Variants in ADGB observed in about 807,000 individuals in gnomAD.
ADGB encodes calpain-7-like protein.
ADGB carries 172 observed loss-of-function variants against 210.5 expected under a neutral mutation model. The ratio of observed to expected loss-of-function variants is 0.82; its 90% confidence interval spans 0.72 to 0.93. The LOEUF (loss-of-function observed/expected upper bound fraction) is 0.93, where lower values mean the gene tolerates loss of function less well. Among genes scored for constraint, ADGB ranks in the 40% least tolerant of loss-of-function variants. The pLI is 0.00. For missense variants in ADGB, 2,025 were observed against 1,964.8 expected (o/e 1.03, Z -0.58); for synonymous variants, 658 against 662.7 (o/e 0.99, Z 0.11).
chr6:146,752,657 C>T lies in ADGB; in HGVS notation c.3493C>T (p.Gln1165Ter). The T allele has an allele frequency of 6.4e-7, 1 of 1,550,890 alleles. No individual in the cohort carries two copies. The highest frequency in any genetic ancestry group is 1.2e-5 in the South Asian group (1 of 84,000). The change falls in exon 27 of 36, where the codon CAA becomes TAA. Residue 1165 changes from glutamine (Q) to a stop codon, truncating the protein, a stop_gained. Transcript: ENST00000397944. LOFTEE classifies it high-confidence loss of function. ...ETMVSSTGKG[Q>*]AIIPAFHFLK... ...TATGGTGAGCTCCACTGGAAAAGGCCAAGCTATAATCCCAGCATTTCACTT... is the reference window on the plus strand; with the variant it reads ...TATGGTGAGCTCCACTGGAAAAGGCTAAGCTATAATCCCAGCATTTCACTT...
intron 1 of ADGB, among the ~76,000 whole-genome samples, chr6:146,602,706 G>A (rs1030226536): frequency 5.3e-5 from 8 of 152,334 alleles, no homozygotes; most frequent in Non-Finnish European, 1.0e-4. Flanking sequence ...TCCATGGCCT[G>A]TAAGGACCTG....
intron 5 of ADGB, among the ~76,000 whole-genome samples, 190 bp from the exon 6 acceptor site, chr6:146,664,011 G>A (rs1199506052): frequency 1.3e-5 from 2 of 152,158 alleles, no homozygotes; most frequent in East Asian, 3.9e-4. Flanking sequence ...CTGTGATTAT[G>A]CTAAATAAAG....
intron 8 of ADGB, among the ~76,000 whole-genome samples, chr6:146,674,266 A>G (rs530979881): frequency 7.9e-5 from 12 of 152,278 alleles, no homozygotes; most frequent in African/African-American, 2.9e-4. Context: ...CTTGTCCTTG[A>G]AGAACAGGAA....
At chr6:146,720,129 A>G (rs1562282762) in intron 16 of ADGB, among the ~76,000 whole-genome samples, 3 of 152,256 alleles carry the variant, frequency 2.0e-5, no homozygotes, top group East Asian at 3.9e-4. Flanking sequence ...AAGTTAATTG[A>G]ACACATTTAC....
Position 146,715,385 on chromosome 6 carries a change from A to G in ADGB, c.1711A>G (p.Asn571Asp). Residue 571 changes from asparagine to aspartate, a missense_variant, in exon 14 of 36, where the codon AAT becomes GAT. Asn to Asp is a conservative substitution (Grantham distance 23). Coordinates refer to ENST00000397944, the MANE Select transcript of ADGB (RefSeq NM_024694.4). The part of the protein sequence containing the change: ...SQITKATSQG[N>D]TASQVILGKG... ...GTGTGTTTCTTTTAATTCATAGGGAAATACTGCTTCACAAGTTATACTTGG... is the reference window on the plus strand; with the variant it reads ...GTGTGTTTCTTTTAATTCATAGGGAGATACTGCTTCACAAGTTATACTTGG... The G allele has an allele frequency of 6.7e-7, 1 of 1,500,512 alleles. No individual in the cohort carries two copies. Among genetic ancestry groups the G allele is most frequent in the Non-Finnish European group, 8.9e-7 (1 of 1,124,288 alleles). The allele number at this position is 1,500,512 out of a possible 1,614,324, so 92.9% of individuals were successfully genotyped here.
chr6:146,635,970 C>T (rs554768543), intron 2 of ADGB, among the ~76,000 whole-genome samples: 5 of 152,078 alleles, frequency 3.3e-5, no homozygotes, highest in African/African-American at 1.2e-4. Context: ...AAACTGGATT[C>T]CTCCTACTAT....
Position 146,676,593 on chromosome 6 carries a change from C to T in ADGB, c.1216+152C>T, listed in dbSNP as rs145531004. On this transcript the variant is annotated intron_variant, in intron 9 of 35. Coordinates refer to ENST00000397944, the MANE Select transcript of ADGB (RefSeq NM_024694.4). ...AATGTTGGGTTCTCAGATGGGTGGG[C>T]GTGTTGGGCCAAGTCCTACCAATGA... Among the ~76,000 whole-genome samples the T allele has an allele frequency of 1.8e-3, 275 of 152,184 alleles. 4 individuals carry two copies. The East Asian group carries it at 0.027, about 15-fold the overall frequency.
intron 13 of ADGB, among the ~76,000 whole-genome samples, chr6:146,701,814 CTAGCTATA>C (rs1477874571): frequency 6.6e-6 from 1 of 151,828 alleles, no homozygotes; most frequent in African/African-American, 2.4e-5. Flanking sequence ...CTATAGTTAC[CTAGCTATA>C]TAGGTCACAG....
chr6:146,761,389 T>C (rs11155486), intron 27 of ADGB, among the ~76,000 whole-genome samples: 80,194 of 151,754 alleles, frequency 0.53, 22,078 homozygotes, highest in African/African-American at 0.66. Flanking sequence ...TAGTCAAAAG[T>C]CACTTAACCA....
At chr6:146,800,876 G>A (rs563524228) in intron 33 of ADGB, among the ~76,000 whole-genome samples, 1 of 152,224 alleles carries the variant, frequency 6.6e-6, no homozygotes, top group South Asian at 2.1e-4. Context: ...CTTAACATAA[G>A]ACTTGTTCTT....
In ADGB at chr6:146,733,957, A is replaced by G; in HGVS notation, c.2721A>G (p.Val907=). ...TSDKEYSAEE[V]AAAIKIQAMW... ...ATAAAGAGTATTCTGCTGAGGAAGT[A>G]GCAGCAGCAATTAAAATTCAAGCCA... Residue 907 remains valine, a synonymous_variant, in exon 22 of 36, where the codon GTA becomes GTG. Transcript: ENST00000397944. 3 of 1,551,490 alleles carry G rather than the reference A, an allele frequency of 1.9e-6. No homozygotes were observed. Among genetic ancestry groups the G allele is most frequent in the Non-Finnish European group, 2.6e-6 (3 of 1,146,770 alleles).
chr6:146,694,285 G>T (rs1298367009), intron 12 of ADGB, among the ~76,000 whole-genome samples: 1 of 152,124 alleles, frequency 6.6e-6, no homozygotes, highest in African/African-American at 2.4e-5. Flanking sequence ...ACTTCTAGAG[G>T]CTGGGAAGTC....
chr6:146,733,130 T>G lies in ADGB; in HGVS notation c.2531T>G (p.Leu844Arg). 1 of 1,519,142 alleles carries G rather than the reference T, an allele frequency of 6.6e-7. No individual in the cohort carries two copies. Among genetic ancestry groups the G allele is most frequent in the Non-Finnish European group, 8.8e-7 (1 of 1,131,700 alleles). The allele number at this position is 1,519,142 out of a possible 1,614,324, so 94.1% of individuals were successfully genotyped here. ...LTAQHFRVFH[L>R]SLWRLMKKVQ... ...ATTTATGTGTTTCAGGTTTTTCATCTTTCCTTATGGCGTTTAATGAAAAAA... is the reference window on the plus strand; with the variant it reads ...ATTTATGTGTTTCAGGTTTTTCATCGTTCCTTATGGCGTTTAATGAAAAAA... The change falls in exon 21 of 36, where the codon CTT becomes CGT. Residue 844 changes from leucine (L) to arginine (R), a missense_variant. By Grantham distance (102) the Leu-to-Arg change is moderately radical. Coordinates refer to ENST00000397944, the MANE Select transcript of ADGB (RefSeq NM_024694.4).
intron 1 of ADGB, among the ~76,000 whole-genome samples, chr6:146,602,792 G>GA (rs1562252366): frequency 6.6e-6 from 1 of 152,180 alleles, no homozygotes; most frequent in Non-Finnish European, 1.5e-5. Context: ...GATTAGCAGA[G>GA]GCGTTAAATT....
At chr6:146,749,447 C>T (rs548530756) in intron 26 of ADGB, among the ~76,000 whole-genome samples, 2 of 152,174 alleles carry the variant, frequency 1.3e-5, no homozygotes, top group South Asian at 4.1e-4. Flanking sequence ...CAAAGCAGCC[C>T]CCAAACAGGA....
At chr6:146,651,020 C>T (rs1775693718) in intron 3 of ADGB, among the ~76,000 whole-genome samples, 1 of 152,194 alleles carries the variant, frequency 6.6e-6, no homozygotes, top group Admixed American at 6.5e-5. Flanking sequence ...AGGTGCATTC[C>T]AGTTGACTTA....
At chr6:146,759,926 T>G (rs1317292626) in intron 27 of ADGB, among the ~76,000 whole-genome samples, 1 of 151,884 alleles carries the variant, frequency 6.6e-6, no homozygotes, top group Non-Finnish European at 1.5e-5. Context: ...TTGCAAAATT[T>G]TAAGTGCTTT....
At position 146,722,887 on chromosome 6, in the gene ADGB, C is replaced by T. The variant is rs554582076; in HGVS notation, c.2096-1299C>T. The stretch of plus-strand genomic sequence containing the variant: ...ACAAGGCCAAACCCTTGCATACACA[C>T]GCACACACAGGCACACACTCACAAA... On this transcript the variant is annotated intron_variant, in intron 17 of 35. Transcript: ENST00000397944. Among the ~76,000 whole-genome samples, 62 of 152,316 alleles carry T rather than the reference C, an allele frequency of 4.1e-4. 1 individual carries two copies. The South Asian group carries it at 0.011, about 26-fold the overall frequency.
intron 33 of ADGB, among the ~76,000 whole-genome samples, chr6:146,793,979 G>C (rs539999354): frequency 5.0e-4 from 76 of 152,332 alleles, no homozygotes; most frequent in African/African-American, 1.7e-3. Flanking sequence ...GAAATCCTTT[G>C]AGAGTGTGTG....
Sources: gnomAD v4.1 joint callset for allele counts (sites outside exome capture counted in the v4.1 genomes callset) on GRCh38, gnomAD v4.1.1 for gene constraint, MANE v1.5 for transcripts, NCBI Gene and HGNC (gene_info 2026-07-23, HGNC 2026-07-21) for gene names.